The following ZNF704 variants were observed in gnomAD, a reference collection of about 807,000 sequenced individuals.
ZNF704 encodes glucocorticoid induced gene 1.
Under a neutral mutation model 44.7 loss-of-function variants are expected in ZNF704, and 10 were observed. That is an observed-to-expected ratio of 0.22 (90% confidence interval 0.14 to 0.38). ZNF704 has a LOEUF of 0.38. Among genes scored for constraint, ZNF704 ranks in the 10% least tolerant of loss-of-function variants. The pLI is 1.00. For missense variants in ZNF704, 390 were observed against 545.5 expected (o/e 0.71, Z 2.84); for synonymous variants, 211 against 207.6 (o/e 1.02, Z -0.14).
chr8:80,807,871 T>C (rs896447466), intron 2 of ZNF704, among the ~76,000 whole-genome samples: 3 of 152,200 alleles, frequency 2.0e-5, no homozygotes, highest in African/African-American at 7.2e-5. Flanking sequence ...TTTACCTCGT[T>C]TTAACCTTAG....
intron 2 of ZNF704, among the ~76,000 whole-genome samples, chr8:80,805,567 C>A (rs549685747): frequency 1.3e-5 from 2 of 152,244 alleles, no homozygotes; most frequent in East Asian, 3.9e-4. Context: ...AACTAGATAT[C>A]TTTTTTTCAC....
chr8:80,644,593 C>A (rs982037053), intron 7 of ZNF704, among the ~76,000 whole-genome samples: 1 of 151,994 alleles, frequency 6.6e-6, no homozygotes, highest in African/African-American at 2.4e-5. Flanking sequence ...CAGGAAAAAA[C>A]AAAAACAGCA....
At chr8:80,777,957 T>A (rs1206997689) in intron 2 of ZNF704, among the ~76,000 whole-genome samples, 3 of 152,004 alleles carry the variant, frequency 2.0e-5, no homozygotes, top group African/African-American at 7.2e-5. Flanking sequence ...TATATCGCTC[T>A]TAAGAACAAG....
intron 1 of ZNF704, among the ~76,000 whole-genome samples, chr8:80,849,169 T>C (rs762796857): frequency 1.1e-4 from 16 of 152,168 alleles, no homozygotes; most frequent in Admixed American, 2.6e-4. Context: ...CATAGACTTG[T>C]TTCTCACCAA....
chr8:80,715,558 G>A (rs956977140), intron 2 of ZNF704, among the ~76,000 whole-genome samples: 1 of 152,182 alleles, frequency 6.6e-6, no homozygotes, highest in Non-Finnish European at 1.5e-5. Context: ...GGAAGTGGGT[G>A]GGGCCAGAGG....
intron 1 of ZNF704, among the ~76,000 whole-genome samples, chr8:80,856,130 T>C (rs1420383916): frequency 6.6e-6 from 1 of 152,148 alleles, no homozygotes; most frequent in Non-Finnish European, 1.5e-5. Context: ...GCCAATTCTT[T>C]GTATTTTTTG....
chr8:80,648,904 C>T (rs1231796466), intron 7 of ZNF704, among the ~76,000 whole-genome samples: 2 of 152,150 alleles, frequency 1.3e-5, no homozygotes, highest in Non-Finnish European at 2.9e-5. Context: ...GATGTCAAAG[C>T]CCTGCTTTTT....
At chr8:80,848,610 C>T (rs1327336147) in intron 1 of ZNF704, among the ~76,000 whole-genome samples, 1 of 151,898 alleles carries the variant, frequency 6.6e-6, no homozygotes, top group African/African-American at 2.4e-5. Flanking sequence ...TTTGGGGGGC[C>T]AAGGTGGGTG....
chr8:80,851,579 T>TG (rs1234585855), intron 1 of ZNF704, among the ~76,000 whole-genome samples: 5 of 44,516 alleles, frequency 1.1e-4, no homozygotes, highest in Non-Finnish European at 1.7e-4. Context: ...TGTTGTGGGG[T>TG]GGGGGGAGGG....
At chr8:80,803,104 A>T (rs1166660955) in intron 2 of ZNF704, among the ~76,000 whole-genome samples, 2 of 152,200 alleles carry the variant, frequency 1.3e-5, no homozygotes, top group Non-Finnish European at 2.9e-5. Flanking sequence ...GCTACAAAAA[A>T]ATAAAATACC....
intron 2 of ZNF704, among the ~76,000 whole-genome samples, chr8:80,699,041 T>C (rs1818770054): frequency 6.6e-6 from 1 of 152,194 alleles, no homozygotes; most frequent in Non-Finnish European, 1.5e-5. Context: ...ATGAATAATA[T>C]ATTCCTTAGA....
intron 2 of ZNF704, among the ~76,000 whole-genome samples, chr8:80,791,728 G>A (rs1359846212): frequency 2.6e-5 from 4 of 152,156 alleles, no homozygotes; most frequent in Non-Finnish European, 5.9e-5. Context: ...AAAAATGATG[G>A]CAGCACTTTC....
At chr8:80,665,222 A>T in intron 5 of ZNF704, 140 bp from the exon 6 acceptor site, 1 of 834,162 alleles carries the variant, frequency 1.2e-6, no homozygotes, top group Non-Finnish European at 1.8e-6. Flanking sequence ...ATCCTGCAGC[A>T]CTCAGTTCAA....
intron 2 of ZNF704, among the ~76,000 whole-genome samples, chr8:80,718,542 A>T (rs1055045972): frequency 6.6e-6 from 1 of 152,150 alleles, no homozygotes; most frequent in Admixed American, 6.5e-5. Flanking sequence ...ATGGAGCATC[A>T]CATGTTTCTG....
intron 1 of ZNF704, among the ~76,000 whole-genome samples, chr8:80,848,849 A>G (rs1423041219): frequency 6.6e-6 from 1 of 152,196 alleles, no homozygotes; most frequent in Non-Finnish European, 1.5e-5. Context: ...ACCCCCTTTT[A>G]CAGGTAAATC....
At chr8:80,784,625 G>A (rs1456908326) in intron 2 of ZNF704, among the ~76,000 whole-genome samples, 2 of 152,020 alleles carry the variant, frequency 1.3e-5, no homozygotes, top group African/African-American at 4.8e-5. Flanking sequence ...TTATTTTTGA[G>A]ATTTAAGAGT....
the ZNF704 span, among the ~76,000 whole-genome samples, chr8:80,881,966 A>G: frequency 3.3e-5 from 5 of 152,214 alleles, no homozygotes; most frequent in Admixed American, 1.3e-4. Context: ...TTCAAATATT[A>G]CAGTTAATTT....
At chr8:80,789,226 T>G (rs1807663195) in intron 2 of ZNF704, among the ~76,000 whole-genome samples, 1 of 152,078 alleles carries the variant, frequency 6.6e-6, no homozygotes. Flanking sequence ...AGGAAATGAT[T>G]AAAAACAGGT....
At chr8:80,702,940 G>C (rs1009748381) in intron 2 of ZNF704, among the ~76,000 whole-genome samples, 2 of 152,138 alleles carry the variant, frequency 1.3e-5, no homozygotes, top group Non-Finnish European at 2.9e-5. Flanking sequence ...CAGGATGTCA[G>C]CAGAGTTAAG....
Sources: gnomAD v4.1 joint callset for allele counts (sites outside exome capture counted in the v4.1 genomes callset) on GRCh38, gnomAD v4.1.1 for gene constraint, MANE v1.5 for transcripts, NCBI Gene and HGNC (gene_info 2026-07-23, HGNC 2026-07-21) for gene names.